The following WDFY2 variants were observed in gnomAD, a reference collection of about 807,000 sequenced individuals.
WDFY2 encodes WD repeat and FYVE domain containing 2, also known as WD repeat and FYVE domain-containing protein 2.
In WDFY2, 36 loss-of-function variants were observed where a neutral mutation model predicts 56.4. That is an observed-to-expected ratio of 0.64 (90% CI 0.49 to 0.84). WDFY2 has a LOEUF of 0.84. WDFY2 is among the 40% of genes least tolerant of loss of function. The pLI is 0.00. For synonymous variants in WDFY2, 176 were observed against 183.7 expected, an observed-to-expected ratio of 0.96 and a Z score of 0.34; for missense variants, 444 against 512.2, an observed-to-expected ratio of 0.87 and a Z score of 1.29.
intron 4 of WDFY2, among the ~76,000 whole-genome samples, 165 bp downstream of exon 4, chr13:51,703,815 A>G (rs1952033723): frequency 6.6e-6 from 1 of 152,184 alleles, no homozygotes; most frequent in Non-Finnish European, 1.5e-5. Flanking sequence ...ACTGAGGCCC[A>G]ATGAGGTTGG....
chr13:51,610,240 GT>G (rs375729454), intron 1 of WDFY2, among the ~76,000 whole-genome samples: 2,240 of 106,898 alleles, frequency 0.021, 17 homozygotes, highest in African/African-American at 0.032. Context: ...TTATTTGACT[GT>G]TTTTTTTTTT....
At chr13:51,731,644 A>C (rs1952725271) in intron 6 of WDFY2, among the ~76,000 whole-genome samples, 1 of 152,190 alleles carries the variant, frequency 6.6e-6, no homozygotes. Flanking sequence ...GGTGATTTAG[A>C]CATATTGTTG....
rs746393782 is a variant in WDFY2 at position 51,719,217 on chromosome 13, G to A, written c.354G>A (p.Thr118=). ...TTTCAGCGCATCAGAGCAGAGTGAC[G>A]ATGATCCTGTTTGTCCTGGAGCTGG... The part of the protein sequence containing the change: ...KNYQAHQSRV[T]MILFVLELEW... Residue 118 remains threonine, a synonymous_variant, in exon 5 of 12, where the codon ACG becomes ACA. Coordinates refer to ENST00000298125, the MANE Select transcript of WDFY2 (RefSeq NM_052950.4). 1.5e-5 allele frequency: 24 copies of A among 1,614,072 alleles called. No individual in the cohort carries two copies. Among genetic ancestry groups the A allele is most frequent in the Middle Eastern group, 1.6e-4 (1 of 6,084 alleles).
At chr13:51,684,102 G>A (rs187280368) in intron 3 of WDFY2, among the ~76,000 whole-genome samples, 1 of 152,188 alleles carries the variant, frequency 6.6e-6, no homozygotes, top group East Asian at 1.9e-4. Context: ...ATTTAGTGTA[G>A]GAAGACAACC....
At chr13:51,632,438 C>T (rs1435393486) in intron 1 of WDFY2, among the ~76,000 whole-genome samples, 2 of 152,046 alleles carry the variant, frequency 1.3e-5, no homozygotes, top group East Asian at 1.9e-4. Flanking sequence ...ATTTGATCTT[C>T]TACCATTCAG....
intron 1 of WDFY2, among the ~76,000 whole-genome samples, chr13:51,616,271 A>G (rs1954612070): frequency 6.6e-6 from 1 of 152,180 alleles, no homozygotes; most frequent in Admixed American, 6.6e-5. Flanking sequence ...TAAATTCATG[A>G]TTCTCATAAT....
chr13:51,676,089 C>G (rs1345300248), intron 3 of WDFY2, among the ~76,000 whole-genome samples: 4 of 152,166 alleles, frequency 2.6e-5, no homozygotes, highest in African/African-American at 7.2e-5. Flanking sequence ...GTGATCAGCC[C>G]AAGTCCTCCC....
At chr13:51,699,571 G>A (rs1705447092) in intron 3 of WDFY2, among the ~76,000 whole-genome samples, 1 of 152,122 alleles carries the variant, frequency 6.6e-6, no homozygotes, top group African/African-American at 2.4e-5. Context: ...AATGAAAATA[G>A]CCAATAACCA....
At chr13:51,611,311 A>G (rs1461889605) in intron 1 of WDFY2, among the ~76,000 whole-genome samples, 1 of 152,242 alleles carries the variant, frequency 6.6e-6, no homozygotes, top group African/African-American at 2.4e-5. Context: ...GAATATGTAT[A>G]GTCACAGTTT....
rs375976534 is a variant in WDFY2, at chr13:51,727,794, G to A, written c.598+4G>A. On this transcript the variant is annotated splice_donor_region_variant and intron_variant, in intron 6 of 11. Transcript: ENST00000298125. ...ACAACATTCAGAGGACACACAGGTAGGATTAACAGTAAAATCGTCATGTGC... is the reference window on the plus strand; with the variant it reads ...ACAACATTCAGAGGACACACAGGTAAGATTAACAGTAAAATCGTCATGTGC... 1.9e-6 allele frequency: 3 copies of A among 1,613,234 alleles called. No individual in the cohort carries two copies. The highest frequency in any genetic ancestry group is 2.7e-5 in the African/African-American group (2 of 74,882).
At chr13:51,728,219 A>G (rs925489519) in intron 6 of WDFY2, among the ~76,000 whole-genome samples, 1 of 152,206 alleles carries the variant, frequency 6.6e-6, no homozygotes, top group African/African-American at 2.4e-5. Flanking sequence ...ACATGAAAAG[A>G]CAGATATACT....
rs79660068 is a variant in WDFY2, at chr13:51,656,858, A to G, written c.138-3738A>G. ...TTTTTTATTGTTTCATTTTCAACCT[A>G]TTTGTGTCTTTGGGTTTAAAGTAGT... is the stretch of plus-strand genomic sequence containing the variant. On this transcript the variant is annotated intron_variant, in intron 1 of 11. Coordinates refer to ENST00000298125, the MANE Select transcript of WDFY2 (RefSeq NM_052950.4). 4.4e-3 allele frequency among the ~76,000 whole-genome samples: 670 copies of G among 151,962 alleles called. 4 individuals carry two copies. The highest frequency in any genetic ancestry group is 0.015 in the African/African-American group (642 of 41,492).
At chr13:51,638,284 A>G (rs1955089850) in intron 1 of WDFY2, among the ~76,000 whole-genome samples, 1 of 152,220 alleles carries the variant, frequency 6.6e-6, no homozygotes, top group Non-Finnish European at 1.5e-5. Flanking sequence ...TAAGGAGACC[A>G]GCTAGTATGC....
chr13:51,675,091 A>T (rs1216709845), intron 2 of WDFY2, 79 bp from the exon 3 acceptor site: 4 of 1,309,762 alleles, frequency 3.1e-6, no homozygotes, highest in Non-Finnish European at 4.4e-6. Flanking sequence ...ACAGCCCCAC[A>T]CTTTTAGCTA....
At chr13:51,641,348 C>T (rs1289147831) in intron 1 of WDFY2, among the ~76,000 whole-genome samples, 9 of 151,826 alleles carry the variant, frequency 5.9e-5, no homozygotes, top group African/African-American at 1.2e-4. Context: ...GGATTACAGG[C>T]GTGAGCCACC....
chr13:51,640,782 A>G (rs371597407), intron 1 of WDFY2, among the ~76,000 whole-genome samples: 4 of 152,092 alleles, frequency 2.6e-5, no homozygotes, highest in Non-Finnish European at 5.9e-5. Context: ...CCCAGGAGGC[A>G]GAGGTTGCAG....
intron 1 of WDFY2, among the ~76,000 whole-genome samples, chr13:51,599,058 G>A (rs991936065): frequency 2.6e-5 from 4 of 151,976 alleles, no homozygotes; most frequent in East Asian, 1.9e-4. Flanking sequence ...GCAGGCATGC[G>A]CTACCATGCC....
In WDFY2 at chr13:51,748,339, C is replaced by A. The variant is rs762014628; in HGVS notation, c.726-2971C>A. Reference sequence around the variant, plus strand: ...GCTGCTTTCCTTTGTTGGATGTGCTCTTGTGATCAGACTAATGAGCAGCAC... The same window carrying A: ...GCTGCTTTCCTTTGTTGGATGTGCTATTGTGATCAGACTAATGAGCAGCAC... On this transcript the variant is annotated intron_variant, in intron 7 of 11. Coordinates refer to ENST00000298125, the MANE Select transcript of WDFY2 (RefSeq NM_052950.4). Among the ~76,000 whole-genome samples, 59 of 152,186 alleles carry A rather than the reference C, an allele frequency of 3.9e-4. 1 individual carries two copies. Among genetic ancestry groups the A allele is most frequent in the Non-Finnish European group, 8.8e-5 (6 of 68,040 alleles).
chr13:51,675,123 G>A (rs1470458322), intron 2 of WDFY2, 47 bp from the exon 3 acceptor site: 1 of 1,584,362 alleles, frequency 6.3e-7, no homozygotes, highest in South Asian at 1.1e-5. Context: ...CTGAGTCGAT[G>A]AGAATCATGG....
Sources: gnomAD v4.1 joint callset for allele counts (sites outside exome capture counted in the v4.1 genomes callset) on GRCh38, gnomAD v4.1.1 for gene constraint, MANE v1.5 for transcripts, NCBI Gene and HGNC (gene_info 2026-07-23, HGNC 2026-07-21) for gene names.